The following KCNQ1OT1 variants were observed in gnomAD, a reference collection of about 807,000 sequenced individuals.
KCNQ1OT1 encodes KCNQ1 antisense RNA 2 (non-protein coding).
At chr11:2,672,399 G>A (rs1850202113) in exon 1 of KCNQ1OT1, 2 of 398,336 alleles carry the variant, frequency 5.0e-6, no homozygotes, top group South Asian at 1.3e-4. Context: ...GCTGGTATGG[G>A]TTAGGGGATG....
chr11:2,699,936 C>T, exon 1 of KCNQ1OT1: 1 of 398,306 alleles, frequency 2.5e-6, no homozygotes, highest in Middle Eastern at 6.3e-4. Context: ...GGCGCCCTGG[C>T]AGGATCTTGC....
chr11:2,632,199 A>G (rs964918230), exon 1 of KCNQ1OT1: 3 of 397,828 alleles, frequency 7.5e-6, no homozygotes, highest in African/African-American at 2.1e-5. Context: ...AAAAAAAAAA[A>G]AAAAGAAATG....
rs1218523753 is a variant in KCNQ1OT1, at chr11:2,677,145, CTG to C, written n.22848_22849del. 1 of 398,472 alleles carries C rather than the reference CTG, an allele frequency of 2.5e-6. No homozygotes were observed. The highest frequency in any genetic ancestry group is 4.4e-6 in the Non-Finnish European group (1 of 226,068). 24.7% of individuals were successfully genotyped at this position (398,472 alleles called of 1,614,324 possible). A position where few individuals can be genotyped will look rare whatever the true frequency, so the allele number is the denominator to read the frequency against. On this transcript the variant is annotated non_coding_transcript_exon_variant, in exon 1 of 1. Transcript: ENST00000597346. The surrounding 1 kb of genome is among the most constrained non-coding windows in gnomAD (Gnocchi z 4.5). The stretch of plus-strand genomic sequence containing the variant: ...CTGAAACATCCCTCCCTATTGAACA[CTG>C]TTGTTTCTCCCTATCCATCTTATCC...
Position 2,682,932 on chromosome 11 carries a change from T to C in KCNQ1OT1, n.17063A>G. The stretch of plus-strand genomic sequence containing the variant: ...TGGCACCTGGAGAGGTGCTCAGGTC[T>C]GTGTGGAAGAAAGGACAGGAGTCCT... On this transcript the variant is annotated non_coding_transcript_exon_variant, in exon 1 of 1. Transcript: ENST00000597346. The surrounding 1 kb of genome is among the most constrained non-coding windows in gnomAD (Gnocchi z 5.8). 2.5e-6 allele frequency: 1 copy of C among 398,614 alleles called. No individual in the cohort carries two copies. The highest frequency in any genetic ancestry group is 3.6e-5 in the East Asian group (1 of 28,066). The allele number at this position is 398,614 out of a possible 1,614,324, so 24.7% of individuals were successfully genotyped here. A position where few individuals can be genotyped will look rare whatever the true frequency, so the allele number is the denominator to read the frequency against.
chr11:2,696,979 T>TC (rs1307520526), exon 1 of KCNQ1OT1: 3 of 398,466 alleles, frequency 7.5e-6, no homozygotes, highest in African/African-American at 4.1e-5. Flanking sequence ...ATTTTTTTTT[T>TC]CCATGTAGCC....
exon 1 of KCNQ1OT1, chr11:2,680,263 C>T (rs1387048278): frequency 2.5e-6 from 1 of 396,086 alleles, no homozygotes; most frequent in Non-Finnish European, 4.4e-6. Context: ...ATCCCATTGG[C>T]ATTTGTTATT....
chr11:2,685,680 G>A, exon 1 of KCNQ1OT1: 1 of 398,668 alleles, frequency 2.5e-6, no homozygotes, highest in Non-Finnish European at 4.4e-6. Context: ...GGGGTCCCAT[G>A]TGGACTTCAG....
chr11:2,632,093 G>T (rs1401068018), exon 1 of KCNQ1OT1: 1 of 389,888 alleles, frequency 2.6e-6, no homozygotes, highest in Non-Finnish European at 4.5e-6. Flanking sequence ...TGAAGCAGGA[G>T]AATGGCGTGA....
rs555689742 is a variant in KCNQ1OT1, at chr11:2,677,657, T to C, written n.22338A>G. 4.4e-4 allele frequency: 177 copies of C among 398,640 alleles called. No homozygotes were observed. The East Asian group carries it at 5.8e-3, about 13-fold the overall frequency. The allele number at this position is 398,640 out of a possible 1,614,324, so 24.7% of individuals were successfully genotyped here. On this transcript the variant is annotated non_coding_transcript_exon_variant, in exon 1 of 1. Transcript: ENST00000597346. This position sits in a 1 kb window ranked among gnomAD's most constrained non-coding sequence, Gnocchi z 4.5. ...TGTAACTCTAACAACTGTTATTGCA[T>C]ATGAGATAAAATAATATTTTAACTA...
exon 1 of KCNQ1OT1, chr11:2,619,740 T>G: frequency 2.5e-6 from 1 of 398,162 alleles, no homozygotes; most frequent in East Asian, 3.6e-5. Flanking sequence ...GTATTCCCTA[T>G]AGCTGCATTT....
In KCNQ1OT1 at chr11:2,673,427, G is replaced by A; in HGVS notation, n.26568C>T. 1 of 398,688 alleles carries A rather than the reference G, an allele frequency of 2.5e-6. No homozygotes were observed. Among genetic ancestry groups the A allele is most frequent in the East Asian group, 3.6e-5 (1 of 28,084 alleles). The allele number at this position is 398,688 out of a possible 1,614,324, so 24.7% of individuals were successfully genotyped here. On this transcript the variant is annotated non_coding_transcript_exon_variant, in exon 1 of 1. Transcript: ENST00000597346. This position sits in a 1 kb window ranked among gnomAD's most constrained non-coding sequence, Gnocchi z 4.5. ...CTTCTGCCTAGGCACCAGGCCTGGA[G>A]GTTCCAACTTGGTGTTGGGCCTCCT...
At position 2,642,956 on chromosome 11, in the gene KCNQ1OT1, T is replaced by G; in HGVS notation, n.57039A>C. On this transcript the variant is annotated non_coding_transcript_exon_variant, in exon 1 of 1. Coordinates refer to ENST00000597346, the Ensembl canonical transcript of KCNQ1OT1. The surrounding 1 kb of genome is among the most constrained non-coding windows in gnomAD (Gnocchi z 4.3). ...CAGGAACATGTTAATTTCCATTTAT[T>G]TATACAGTTTTGAATGCTCCTCTTA... The G allele has an allele frequency of 2.5e-6, 1 of 397,988 alleles. No homozygotes were observed. Among genetic ancestry groups the G allele is most frequent in the Non-Finnish European group, 4.4e-6 (1 of 225,704 alleles). The allele number at this position is 397,988 out of a possible 1,614,324, so 24.7% of individuals were successfully genotyped here.
At chr11:2,628,294 A>G (rs2106462) in exon 1 of KCNQ1OT1, 34,674 of 398,388 alleles carry the variant, frequency 0.087, 1,568 homozygotes, top group South Asian at 0.14. Context: ...CCTCACCAAC[A>G]CTTGCTATCT....
chr11:2,668,649 T>A lies in KCNQ1OT1; in HGVS notation n.31346A>T, dbSNP rs530907802. The A allele has an allele frequency of 2.5e-6, 1 of 398,634 alleles. No homozygotes were observed. The highest frequency in any genetic ancestry group is 4.4e-5 in the Admixed American group (1 of 22,732). 24.7% of individuals were successfully genotyped at this position (398,634 alleles called of 1,614,324 possible). A position where few individuals can be genotyped will look rare whatever the true frequency, so the allele number is the denominator to read the frequency against. On this transcript the variant is annotated non_coding_transcript_exon_variant, in exon 1 of 1. Coordinates refer to ENST00000597346, the Ensembl canonical transcript of KCNQ1OT1. This position sits in a 1 kb window ranked among gnomAD's most constrained non-coding sequence, Gnocchi z 4.3. ...TTATGTTTATTTATGGTCCTATATA[T>A]CTTTAGATATTCTGGAGTCATTTGT...
exon 1 of KCNQ1OT1, chr11:2,672,324 T>TGGTGTGGTGGGTGCAGAAGC: frequency 2.5e-6 from 1 of 398,386 alleles, no homozygotes; most frequent in Non-Finnish European, 4.4e-6. Context: ...CAAGGGGGCC[T>TGGTGTGGTGGGTGCAGAAGC]GGTGTGGTGG....
Position 2,652,372 on chromosome 11 carries a change from C to T in KCNQ1OT1, n.47623G>A, listed in dbSNP as rs1050441645. On this transcript the variant is annotated non_coding_transcript_exon_variant, in exon 1 of 1. Transcript: ENST00000597346. This position sits in a 1 kb window ranked among gnomAD's most constrained non-coding sequence, Gnocchi z 5.9. ...GATGTTGTGATGAAGGTGAAAAGATCGCTCTTAATTAGATTAAAAACATTT... is the reference window on the plus strand; with the variant it reads ...GATGTTGTGATGAAGGTGAAAAGATTGCTCTTAATTAGATTAAAAACATTT... 8 of 398,494 alleles carry T rather than the reference C, an allele frequency of 2.0e-5. No homozygotes were observed. Among genetic ancestry groups the T allele is most frequent in the Non-Finnish European group, 3.5e-5 (8 of 226,078 alleles). 24.7% of individuals were successfully genotyped at this position (398,494 alleles called of 1,614,324 possible). A position where few individuals can be genotyped will look rare whatever the true frequency, so the allele number is the denominator to read the frequency against.
chr11:2,614,144 C>T (rs2092135795), exon 1 of KCNQ1OT1: 1 of 398,540 alleles, frequency 2.5e-6, no homozygotes. Flanking sequence ...CTCTGAGATA[C>T]ATCTACTCCA....
In KCNQ1OT1 at chr11:2,647,784, T is replaced by A; in HGVS notation, n.52211A>T. On this transcript the variant is annotated non_coding_transcript_exon_variant, in exon 1 of 1. Coordinates refer to ENST00000597346, the Ensembl canonical transcript of KCNQ1OT1. This position sits in a 1 kb window ranked among gnomAD's most constrained non-coding sequence, Gnocchi z 4.0. ...AGGTTTTCTAATTGTTGACATATAG[T>A]TGTTCATAATGGTCTCTAATAATCT... The A allele has an allele frequency of 2.5e-6, 1 of 398,568 alleles. No individual in the cohort carries two copies. The highest frequency in any genetic ancestry group is 4.4e-6 in the Non-Finnish European group (1 of 226,050). The allele number at this position is 398,568 out of a possible 1,614,324, so 24.7% of individuals were successfully genotyped here.
rs1454314863 is a variant in KCNQ1OT1, at chr11:2,624,982, C to G, written n.75013G>C. Reference sequence around the variant, plus strand: ...ATATACCACATTTTGCTTATCCATTCTTCCATGGACATTTGGGTTGCATTG... The same window carrying G: ...ATATACCACATTTTGCTTATCCATTGTTCCATGGACATTTGGGTTGCATTG... On this transcript the variant is annotated non_coding_transcript_exon_variant, in exon 1 of 1. Coordinates refer to ENST00000597346, the Ensembl canonical transcript of KCNQ1OT1. The surrounding 1 kb of genome is among the most constrained non-coding windows in gnomAD (Gnocchi z 4.9). 2 of 398,402 alleles carry G rather than the reference C, an allele frequency of 5.0e-6. No homozygotes were observed. The highest frequency in any genetic ancestry group is 8.8e-6 in the Non-Finnish European group (2 of 226,074). The allele number at this position is 398,402 out of a possible 1,614,324, so 24.7% of individuals were successfully genotyped here. A position where few individuals can be genotyped will look rare whatever the true frequency, so the allele number is the denominator to read the frequency against.
Sources: allele counts gnomAD v4.1 joint callset, GRCh38; gene constraint gnomAD v4.1.1; non-coding constraint Gnocchi (gnomAD v3.1); transcripts MANE v1.5; gene names NCBI Gene and HGNC (gene_info 2026-07-23, HGNC 2026-07-21).